The following DCHS2 variants were observed in gnomAD, a reference collection of about 807,000 sequenced individuals.
The protein encoded by DCHS2 is protocadherin-23.
DCHS2 carries 142 observed loss-of-function variants against 182.4 expected under a neutral mutation model. That is an observed-to-expected ratio of 0.78 (90% confidence interval 0.68 to 0.89). The LOEUF is 0.89. Ranked by LOEUF, DCHS2 falls within the 40% of genes least tolerant of loss-of-function variation. The pLI is 0.00. For synonymous variants in DCHS2, 1,740 were observed against 1,663.3 expected (o/e 1.05, Z -1.12); for missense variants, 4,319 against 4,198.6 (o/e 1.03, Z -0.79).
At chr4:154,272,667 A>G (rs796368088) in intron 13 of DCHS2, among the ~76,000 whole-genome samples, 10 of 152,238 alleles carry the variant, frequency 6.6e-5, no homozygotes, top group African/African-American at 2.4e-4. Context: ...CTCCCCAGCC[A>G]TGCAGAACTG....
At chr4:154,268,766 A>G (rs140058474) in intron 14 of DCHS2, among the ~76,000 whole-genome samples, 1 of 152,310 alleles carries the variant, frequency 6.6e-6, no homozygotes, top group African/African-American at 2.4e-5. Flanking sequence ...CTCAATGTAA[A>G]TAAGTTATCT....
At position 154,329,720 on chromosome 4, in the gene DCHS2, A is replaced by G. The variant is rs759624237; in HGVS notation, c.3731-10T>C. 6.2e-7 allele frequency: 1 copy of G among 1,605,902 alleles called. No homozygotes were observed. Among genetic ancestry groups the G allele is most frequent in the Non-Finnish European group, 8.5e-7 (1 of 1,175,030 alleles). ...CAATTGATTAACTCTCCTGCAGAGT[A>G]CAGAGCAGAACAAGACACAGGCACT... On this transcript the variant is annotated splice_polypyrimidine_tract_variant and intron_variant, in intron 5 of 19. Transcript: ENST00000357232.
In DCHS2 at chr4:154,265,994, TAAC is replaced by T. The variant is rs901267027; in HGVS notation, c.6577+3903_6577+3905del. On this transcript the variant is annotated intron_variant, in intron 14 of 19. Transcript: ENST00000357232. ...TTCTAAATTAGGCACAGTAAGAAAT[TAAC>T]AACGACTAATAAAATTGAACAATTA... Among the ~76,000 whole-genome samples, 20 of 152,298 alleles carry T rather than the reference TAAC, an allele frequency of 1.3e-4. No homozygotes were observed. In the East Asian group the frequency reaches 2.5e-3, roughly 19 times the overall value.
At chr4:154,360,084 ATTTTAGAGTCTTCAGTCTCT>A (rs1730048586) in intron 3 of DCHS2, among the ~76,000 whole-genome samples, 1 of 152,060 alleles carries the variant, frequency 6.6e-6, no homozygotes, top group Non-Finnish European at 1.5e-5. Flanking sequence ...GTCACTAAGA[ATTTTAGAGTCTTCAGTCTCT>A]TAATCTGCAA....
Position 154,489,663 on chromosome 4 carries a change from C to A in DCHS2, c.1693G>T (p.Asp565Tyr). 6.4e-7 allele frequency: 1 copy of A among 1,551,642 alleles called. No individual in the cohort carries two copies. The highest frequency in any genetic ancestry group is 1.2e-5 in the South Asian group (1 of 84,058). Residue 565 changes from aspartate (D) to tyrosine (Y), a missense_variant, in exon 1 of 20, where the codon GAT becomes TAT. Coordinates refer to ENST00000357232, the MANE Select transcript of DCHS2 (RefSeq NM_001358235.2). Reference protein sequence around the residue: ...GTVVMWVSASDADEAGSDHAW... With the variant: ...GTVVMWVSASYADEAGSDHAW... ...TGATCACTGCCTGCCTCGTCGGCAT[C>A]GGAGGCGCTGACCCACATGACTACA... is the stretch of plus-strand genomic sequence containing the variant.
chr4:154,340,148 A>G (rs1319776651), intron 3 of DCHS2, among the ~76,000 whole-genome samples: 1 of 152,214 alleles, frequency 6.6e-6, no homozygotes, highest in East Asian at 1.9e-4. Context: ...ATTGGACATT[A>G]AAATGTGGGC....
intron 13 of DCHS2, among the ~76,000 whole-genome samples, chr4:154,276,806 G>A (rs62330252): frequency 0.044 from 6,706 of 152,202 alleles, 184 homozygotes; most frequent in Non-Finnish European, 0.064. Flanking sequence ...AGAAGTCATG[G>A]GACACCAGGC....
At position 154,250,006 on chromosome 4, in the gene DCHS2, A is replaced by G. The variant is rs77162068; in HGVS notation, c.6941+5513T>C. 0.02 allele frequency among the ~76,000 whole-genome samples: 3,026 copies of G among 152,266 alleles called. 238 individuals are homozygous for G. In the East Asian group the frequency reaches 0.26, roughly 13 times the overall value. On this transcript the variant is annotated intron_variant, in intron 16 of 19. Coordinates refer to ENST00000357232, the MANE Select transcript of DCHS2 (RefSeq NM_001358235.2). ...CACACATGTCTCCTGTAACTAAAATAAAATTTGAAATTAAAATAAATAAAT... is the reference window on the plus strand; with the variant it reads ...CACACATGTCTCCTGTAACTAAAATGAAATTTGAAATTAAAATAAATAAAT...
At chr4:154,489,235 A>T in intron 1 of DCHS2, 69 bp downstream of exon 1, 1 of 1,282,468 alleles carries the variant, frequency 7.8e-7, no homozygotes, top group Non-Finnish European at 1.1e-6. Context: ...ACAATTTCCT[A>T]GGCCAACTCA....
intron 1 of DCHS2, among the ~76,000 whole-genome samples, chr4:154,469,244 T>A (rs1015099446): frequency 6.6e-6 from 1 of 152,054 alleles, no homozygotes; most frequent in Admixed American, 6.6e-5. Context: ...AATTTCTATT[T>A]TTTTTTTACT....
intron 2 of DCHS2, among the ~76,000 whole-genome samples, chr4:154,372,919 A>G (rs186352981): frequency 2.9e-4 from 44 of 152,334 alleles, no homozygotes; most frequent in Middle Eastern, 3.4e-3. Flanking sequence ...TTTTACAAGA[A>G]AAATTCTTCT....
intron 1 of DCHS2, among the ~76,000 whole-genome samples, chr4:154,412,657 G>A (rs527279312): frequency 5.3e-5 from 8 of 152,328 alleles, no homozygotes; most frequent in African/African-American, 1.7e-4. Context: ...GGACTAAAAT[G>A]TGGGAGATCA....
intron 10 of DCHS2, among the ~76,000 whole-genome samples, chr4:154,307,207 A>G (rs917500161): frequency 2.6e-5 from 4 of 152,196 alleles, no homozygotes; most frequent in African/African-American, 9.7e-5. Flanking sequence ...TACAGAACAA[A>G]CATAGCATCA....
intron 1 of DCHS2, among the ~76,000 whole-genome samples, chr4:154,454,578 C>G (rs1045332457): frequency 6.6e-6 from 1 of 152,104 alleles, no homozygotes; most frequent in Non-Finnish European, 1.5e-5. Context: ...GTTTCGATAG[C>G]ACCCTGGGAA....
intron 12 of DCHS2, among the ~76,000 whole-genome samples, chr4:154,302,337 T>C (rs1283398338): frequency 6.6e-6 from 1 of 152,266 alleles, no homozygotes; most frequent in African/African-American, 2.4e-5. Context: ...TTGCGCTCCC[T>C]GTGACTGCGC....
intron 1 of DCHS2, among the ~76,000 whole-genome samples, chr4:154,481,554 G>A (rs571007588): frequency 6.6e-6 from 1 of 152,256 alleles, no homozygotes; most frequent in South Asian, 2.1e-4. Flanking sequence ...ACCATGCCCA[G>A]CCTGACGTTT....
chr4:154,457,025 G>A (rs902186297), intron 1 of DCHS2, among the ~76,000 whole-genome samples: 2 of 152,076 alleles, frequency 1.3e-5, no homozygotes, highest in African/African-American at 4.8e-5. Context: ...TTCCATGAAG[G>A]CATGACCATC....
At chr4:154,486,358 T>C (rs151265868) in intron 1 of DCHS2, 804 of 1,276,150 alleles carry the variant, frequency 6.3e-4, no homozygotes, top group Non-Finnish European at 7.8e-4. Flanking sequence ...ACCCCAAACA[T>C]TGGGGATGTG....
At chr4:154,267,091 CAGTTTCT>C (rs1208758392) in intron 14 of DCHS2, among the ~76,000 whole-genome samples, 1 of 152,222 alleles carries the variant, frequency 6.6e-6, no homozygotes, top group Non-Finnish European at 1.5e-5. Context: ...CAGGCATTTA[CAGTTTCT>C]GGTTTTAATT....
Sources: gnomAD v4.1 joint callset for allele counts (sites outside exome capture counted in the v4.1 genomes callset) on GRCh38, gnomAD v4.1.1 for gene constraint, MANE v1.5 for transcripts, NCBI Gene and HGNC (gene_info 2026-07-23, HGNC 2026-07-21) for gene names.